Variants in CLDN10 observed in about 807,000 individuals in gnomAD.
CLDN10 encodes claudin 10, also known as claudin-10.
Under a neutral mutation model 22.9 loss-of-function variants are expected in CLDN10, and 15 were observed. The observed-to-expected ratio is 0.65, with a 90% CI of 0.44 to 1.01. The LOEUF (loss-of-function observed/expected upper bound fraction) is 1.01. CLDN10 is among the 50% of genes least tolerant of loss of function. The probability of loss-of-function intolerance (pLI) is 0.00; values close to 1 mark genes in which losing one functional copy is unlikely to be tolerated. For missense variants in CLDN10, 247 were observed against 287.8 expected, an observed-to-expected ratio of 0.86 and a Z score of 1.03; for synonymous variants, 114 against 111.4, an observed-to-expected ratio of 1.02 and a Z score of -0.15.
intron 1 of CLDN10, among the ~76,000 whole-genome samples, chr13:95,540,489 ACT>A (rs562722557): frequency 1.1e-3 from 162 of 152,068 alleles, no homozygotes; most frequent in Middle Eastern, 6.8e-3. Context: ...GCAGAGACAG[ACT>A]CTGTCTCAAA....
At chr13:95,563,834 G>A (rs567026557) in intron 3 of CLDN10, among the ~76,000 whole-genome samples, 13 of 152,292 alleles carry the variant, frequency 8.5e-5, no homozygotes, top group East Asian at 1.9e-4. Flanking sequence ...CTTGGTTTCC[G>A]TTTATCAACA....
chr13:95,561,220 G>A (rs1306221260), intron 3 of CLDN10, among the ~76,000 whole-genome samples: 1 of 152,140 alleles, frequency 6.6e-6, no homozygotes, highest in African/African-American at 2.4e-5. Flanking sequence ...ACGTACGTGT[G>A]TGTGTATTGC....
chr13:95,523,431 T>C (rs1416445367), intron 1 of CLDN10, among the ~76,000 whole-genome samples: 1 of 152,242 alleles, frequency 6.6e-6, no homozygotes, highest in Non-Finnish European at 1.5e-5. Context: ...CGTTTAAGTT[T>C]ACTCACACAT....
intron 1 of CLDN10, among the ~76,000 whole-genome samples, chr13:95,451,134 C>T (rs1156736386): frequency 3.9e-5 from 6 of 152,184 alleles, no homozygotes; most frequent in African/African-American, 1.4e-4. Flanking sequence ...GTCCTAAAGT[C>T]CTATCACTTA....
intron 1 of CLDN10, among the ~76,000 whole-genome samples, chr13:95,448,366 C>G (rs1216291452): frequency 6.6e-6 from 1 of 152,214 alleles, no homozygotes; most frequent in Non-Finnish European, 1.5e-5. Flanking sequence ...GCACCCCACA[C>G]ACATATACAC....
intron 1 of CLDN10, among the ~76,000 whole-genome samples, chr13:95,480,981 G>T (rs562152856): frequency 3.9e-5 from 6 of 152,276 alleles, no homozygotes; most frequent in Admixed American, 6.5e-5. Context: ...CTTCCCCTTT[G>T]TCTTCCCACT....
At chr13:95,464,150 C>G (rs541604675) in intron 1 of CLDN10, among the ~76,000 whole-genome samples, 1 of 151,546 alleles carries the variant, frequency 6.6e-6, no homozygotes, top group Non-Finnish European at 1.5e-5. Context: ...ATGTGCACAA[C>G]GTGCAGGTTT....
chr13:95,439,036 G>C (rs957035340), intron 1 of CLDN10, among the ~76,000 whole-genome samples: 3 of 151,040 alleles, frequency 2.0e-5, no homozygotes, highest in Non-Finnish European at 4.4e-5. Flanking sequence ...AGAGAAAGAG[G>C]GTTTTCTGTG....
chr13:95,469,016 CCTTA>C (rs1290267468), intron 1 of CLDN10, among the ~76,000 whole-genome samples: 1 of 151,964 alleles, frequency 6.6e-6, no homozygotes, highest in African/African-American at 2.4e-5. Flanking sequence ...AATAATCATA[CCTTA>C]CTATCAGAAA....
intron 1 of CLDN10, among the ~76,000 whole-genome samples, chr13:95,499,860 T>C (rs555703324): frequency 1.4e-4 from 22 of 152,306 alleles, no homozygotes; most frequent in South Asian, 1.0e-3. Flanking sequence ...CTGGGCCACA[T>C]TGGAAGAATT....
chr13:95,456,842 T>G (rs944687938), intron 1 of CLDN10, among the ~76,000 whole-genome samples: 3 of 152,194 alleles, frequency 2.0e-5, no homozygotes, highest in Admixed American at 1.3e-4. Flanking sequence ...GCTTTGTTTG[T>G]AAAGACAGAT....
intron 1 of CLDN10, among the ~76,000 whole-genome samples, chr13:95,460,860 G>A (rs2042529762): frequency 6.6e-6 from 1 of 152,106 alleles, no homozygotes. Context: ...TGTAATCTCA[G>A]CATTTTGGGA....
At chr13:95,551,189 C>T (rs534061520), upstream of CLDN10, among the ~76,000 whole-genome samples, 5 of 152,238 alleles carry the variant, frequency 3.3e-5, no homozygotes, top group East Asian at 9.7e-4. Flanking sequence ...GGACTTACTT[C>T]GTGTTCTCAG....
In CLDN10 at chr13:95,537,208, C is replaced by T. The variant is rs77690221; in HGVS notation, c.215-22924C>T. Among the ~76,000 whole-genome samples, 50 of 152,298 alleles carry T rather than the reference C, an allele frequency of 3.3e-4. No homozygotes were observed. The East Asian group carries it at 3.7e-3, about 11-fold the overall frequency. On this transcript the variant is annotated intron_variant, in intron 1 of 4. Transcript: ENST00000376873. ...TTTAGGATGTATTTCCATTCTACCA[C>T]AGATTAAAGAATGCCTAATGAAGTT...
chr13:95,524,583 C>A (rs12868251), intron 1 of CLDN10, among the ~76,000 whole-genome samples: 1 of 151,994 alleles, frequency 6.6e-6, no homozygotes, highest in Non-Finnish European at 1.5e-5. Context: ...TTATTTCCAC[C>A]TTTGGGCTAT....
intron 1 of CLDN10, among the ~76,000 whole-genome samples, chr13:95,543,525 A>G (rs2043479943): frequency 2.0e-5 from 3 of 152,184 alleles, no homozygotes; most frequent in Non-Finnish European, 4.4e-5. Context: ...ACAAACTAAA[A>G]GAAAAAAATA....
chr13:95,447,182 T>C (rs1379730679), intron 1 of CLDN10, among the ~76,000 whole-genome samples: 1 of 152,176 alleles, frequency 6.6e-6, no homozygotes, highest in African/African-American at 2.4e-5. Flanking sequence ...CAGGGGAAAA[T>C]GGAAGACAAT....
At chr13:95,491,478 A>G (rs1381819996) in intron 1 of CLDN10, among the ~76,000 whole-genome samples, 1 of 151,888 alleles carries the variant, frequency 6.6e-6, no homozygotes, top group Non-Finnish European at 1.5e-5. Flanking sequence ...AGCACCTGAC[A>G]TTTCTAAAAG....
At chr13:95,529,834 C>T (rs1428293388) in intron 1 of CLDN10, among the ~76,000 whole-genome samples, 2 of 152,052 alleles carry the variant, frequency 1.3e-5, no homozygotes, top group African/African-American at 2.4e-5. Context: ...GTTATCAGGA[C>T]ATAGCTCTCC....
Sources: gnomAD v4.1 joint callset for allele counts (sites outside exome capture counted in the v4.1 genomes callset) on GRCh38, gnomAD v4.1.1 for gene constraint, MANE v1.5 for transcripts, NCBI Gene and HGNC (gene_info 2026-07-23, HGNC 2026-07-21) for gene names.